CSMD1: variants seen among roughly 807,000 people sequenced by gnomAD.
The protein encoded by CSMD1 is CUB and sushi domain-containing protein 1.
CSMD1 carries 213 observed loss-of-function variants against 417.5 expected under a neutral mutation model. The ratio of observed to expected loss-of-function variants is 0.51; its 90% CI spans 0.46 to 0.57. The LOEUF (loss-of-function observed/expected upper bound fraction) is 0.57. CSMD1 is among the 20% of genes least tolerant of loss of function. The probability of loss-of-function intolerance (pLI) is 0.00; values close to 1 mark genes in which losing one functional copy is unlikely to be tolerated. For synonymous variants in CSMD1, 2,862 were observed against 1,736.8 expected (o/e 1.65, Z -16.11); for missense variants, 6,923 against 4,529.7 (o/e 1.53, Z -15.17).
chr8:3,935,169 G>A (rs1320510766), intron 5 of CSMD1, among the ~76,000 whole-genome samples: 1 of 152,088 alleles, frequency 6.6e-6, no homozygotes, highest in East Asian at 1.9e-4. Context: ...ATATGGCCAC[G>A]ACTCGTCTCC....
chr8:3,979,643 C>G (rs1283045174), intron 5 of CSMD1, among the ~76,000 whole-genome samples: 1 of 152,176 alleles, frequency 6.6e-6, no homozygotes, highest in South Asian at 2.1e-4. Context: ...AGAGCTCTCT[C>G]CCCGCCTTGT....
At chr8:4,060,906 T>C (rs1359151681) in intron 3 of CSMD1, among the ~76,000 whole-genome samples, 1 of 152,134 alleles carries the variant, frequency 6.6e-6, no homozygotes, top group African/African-American at 2.4e-5. Context: ...ACTAAGCCTG[T>C]TTCCCATTTG....
chr8:4,169,659 A>C (rs971628856), intron 3 of CSMD1, among the ~76,000 whole-genome samples: 3 of 152,132 alleles, frequency 2.0e-5, no homozygotes, highest in Non-Finnish European at 2.9e-5. Flanking sequence ...CATGAGAGCC[A>C]ACGCCGGAAG....
chr8:4,245,338 G>C (rs974866730), intron 3 of CSMD1, among the ~76,000 whole-genome samples: 26 of 152,204 alleles, frequency 1.7e-4, no homozygotes, highest in African/African-American at 6.0e-4. Context: ...AGGCTGCAGA[G>C]GGTTGGGGTG....
intron 3 of CSMD1, among the ~76,000 whole-genome samples, chr8:4,242,516 C>G (rs753246045): frequency 6.6e-6 from 1 of 152,204 alleles, no homozygotes; most frequent in Non-Finnish European, 1.5e-5. Flanking sequence ...TATTAAGTAT[C>G]TTAAAAATGT....
intron 1 of CSMD1, among the ~76,000 whole-genome samples, chr8:4,648,049 C>G (rs533954923): frequency 3.9e-5 from 6 of 152,276 alleles, no homozygotes; most frequent in African/African-American, 1.4e-4. Context: ...AAAAGTGTTT[C>G]TATTTCTCCA....
At chr8:3,470,787 T>A (rs1006367462) in intron 11 of CSMD1, among the ~76,000 whole-genome samples, 1 of 152,216 alleles carries the variant, frequency 6.6e-6, no homozygotes, top group African/African-American at 2.4e-5. Context: ...TTTAACAACC[T>A]GGGATTGGAT....
chr8:4,256,102 C>G (rs1803437852), intron 3 of CSMD1, among the ~76,000 whole-genome samples: 1 of 152,232 alleles, frequency 6.6e-6, no homozygotes, highest in Non-Finnish European at 1.5e-5. Flanking sequence ...TCCCAGACTA[C>G]TTTGCTCCCC....
chr8:3,143,205 A>G (rs1818611700), intron 40 of CSMD1, among the ~76,000 whole-genome samples: 2 of 152,234 alleles, frequency 1.3e-5, no homozygotes, highest in South Asian at 4.1e-4. Context: ...GCCTTGTCCC[A>G]CAGTTCTATG....
intron 37 of CSMD1, among the ~76,000 whole-genome samples, chr8:3,179,334 GTGTTAGTATAAAAAACAACCAC>G (rs1368551431): frequency 2.0e-5 from 3 of 152,060 alleles, no homozygotes; most frequent in Non-Finnish European, 2.9e-5. Context: ...TATCAGAATG[GTGTTAGTATAAAAAACAACCAC>G]TTAAAAAAGA....
chr8:4,300,422 C>A (rs561848920), intron 3 of CSMD1, among the ~76,000 whole-genome samples: 1 of 152,248 alleles, frequency 6.6e-6, no homozygotes, highest in East Asian at 1.9e-4. Context: ...AGCGATGATG[C>A]CAGGCATTCA....
chr8:3,917,627 C>G (rs997780287), intron 5 of CSMD1, among the ~76,000 whole-genome samples: 1 of 151,550 alleles, frequency 6.6e-6, no homozygotes. Context: ...TTACCTTTTT[C>G]TTAAAAATGC....
Position 3,839,694 on chromosome 8 carries a change from T to A in CSMD1, c.819-85652A>T, listed in dbSNP as rs78782658. Among the ~76,000 whole-genome samples the A allele has an allele frequency of 4.7e-5, 7 of 148,090 alleles. No homozygotes were observed. In the East Asian group the frequency reaches 1.2e-3, roughly 25 times the overall value. On this transcript the variant is annotated intron_variant, in intron 5 of 69. Coordinates refer to ENST00000635120, the MANE Select transcript of CSMD1 (RefSeq NM_033225.6). ...GAATCTATCTCCTTCATTTGGGAGC[T>A]GTTGTGGAGAATGAACAAGTCTCTT... is the stretch of plus-strand genomic sequence containing the variant.
chr8:4,435,741 C>G (rs1798113773), intron 2 of CSMD1, among the ~76,000 whole-genome samples: 1 of 152,098 alleles, frequency 6.6e-6, no homozygotes, highest in Admixed American at 6.6e-5. Flanking sequence ...CTGTCTTGGC[C>G]ATGTGGCTAC....
intron 1 of CSMD1, among the ~76,000 whole-genome samples, chr8:4,737,451 A>C (rs1810315241): frequency 6.6e-6 from 1 of 152,192 alleles, no homozygotes; most frequent in Non-Finnish European, 1.5e-5. Flanking sequence ...ACAAAAATTT[A>C]CCTGTTTAAC....
In CSMD1 at chr8:4,114,907, T is replaced by C. The variant is rs144999994; in HGVS notation, c.416-82808A>G. On this transcript the variant is annotated intron_variant, in intron 3 of 69. Coordinates refer to ENST00000635120, the MANE Select transcript of CSMD1 (RefSeq NM_033225.6). ...GAGGAATTGCTTCTTCCAGATAAGATAGGAAAATAGTATGCTGAGATACAA... is the reference window on the plus strand; with the variant it reads ...GAGGAATTGCTTCTTCCAGATAAGACAGGAAAATAGTATGCTGAGATACAA... 2.4e-3 allele frequency among the ~76,000 whole-genome samples: 363 copies of C among 152,278 alleles called. 3 individuals carry two copies. Among genetic ancestry groups the C allele is most frequent in the African/African-American group, 8.3e-3 (343 of 41,552 alleles).
chr8:3,121,552 G>A (rs1218687673), intron 41 of CSMD1, among the ~76,000 whole-genome samples: 1 of 152,174 alleles, frequency 6.6e-6, no homozygotes, highest in African/African-American at 2.4e-5. Flanking sequence ...CTGAAACCCA[G>A]AAACCCACTG....
Position 3,562,011 on chromosome 8 carries a change from G to C in CSMD1, c.1344+12934C>G, listed in dbSNP as rs1467885511. Among the ~76,000 whole-genome samples, 6 of 152,144 alleles carry C rather than the reference G, an allele frequency of 3.9e-5. No homozygotes were observed. In the Middle Eastern group the frequency reaches 0.01, roughly 261 times the overall value. On this transcript the variant is annotated intron_variant, in intron 10 of 69. Coordinates refer to ENST00000635120, the MANE Select transcript of CSMD1 (RefSeq NM_033225.6). ...GCTACGTCAGAAACTTTGTGAAGGA[G>C]GAGTCCTGACTTTACACATCACTAC...
intron 3 of CSMD1, among the ~76,000 whole-genome samples, chr8:4,280,374 A>G: frequency 6.6e-6 from 1 of 152,238 alleles, no homozygotes; most frequent in East Asian, 1.9e-4. Flanking sequence ...TTGAATAGAC[A>G]CGACATGTTT....
Sources: gnomAD v4.1 joint callset for allele counts (sites outside exome capture counted in the v4.1 genomes callset) on GRCh38, gnomAD v4.1.1 for gene constraint, MANE v1.5 for transcripts, NCBI Gene and HGNC (gene_info 2026-07-23, HGNC 2026-07-21) for gene names.